Variants in CIT observed in about 807,000 individuals in gnomAD.
CIT encodes citron Rho-interacting kinase.
Under a neutral mutation model 272.7 loss-of-function variants are expected in CIT, and 79 were observed. The ratio of observed to expected loss-of-function variants is 0.29; its 90% CI spans 0.24 to 0.35. The LOEUF (loss-of-function observed/expected upper bound fraction) is 0.35, where lower values mean the gene tolerates loss of function less well. Ranked by LOEUF, CIT falls within the 10% of genes least tolerant of loss-of-function variation. CIT has a pLI of 1.00. For missense variants in CIT, 1,909 were observed against 2,618.3 expected, an observed-to-expected ratio of 0.73 and a Z score of 5.91; for synonymous variants, 948 against 995.6, an observed-to-expected ratio of 0.95 and a Z score of 0.90.
At chr12:119,775,134 G>T (rs527379453) in intron 16 of CIT, among the ~76,000 whole-genome samples, 1 of 151,674 alleles carries the variant, frequency 6.6e-6, no homozygotes, top group African/African-American at 2.4e-5. Context: ...TTAGCCAGGC[G>T]TGGTGGCACA....
chr12:119,776,848 G>C lies in CIT; in HGVS notation c.1666-6C>G, dbSNP rs367740321. The C allele has an allele frequency of 5.8e-5, 94 of 1,613,228 alleles. No homozygotes were observed. The highest frequency in any genetic ancestry group is 7.2e-5 in the Non-Finnish European group (85 of 1,179,926). On this transcript the variant is annotated splice_polypyrimidine_tract_variant and splice_region_variant and intron_variant, in intron 13 of 47. Transcript: ENST00000392521. ...TCCACTTGAGCCTGGTACTCCTAAA[G>C]AGCAGGCAATGAAATAAAAGAGAAC...
intron 40 of CIT, among the ~76,000 whole-genome samples, chr12:119,707,561 G>A (rs1411279177): frequency 6.6e-6 from 1 of 152,146 alleles, no homozygotes; most frequent in Admixed American, 6.5e-5. Context: ...GAGTGCGGTG[G>A]CGCAATCTCG....
At position 119,845,530 on chromosome 12, in the gene CIT, G is replaced by A. The variant is rs141561909; in HGVS notation, c.516+4644C>T. Reference sequence around the variant, plus strand: ...TTGCCGGACATGGTGGTGGGCACCTGTAATCCCAGCTACTCAGGAGGCTGA... The same window carrying A: ...TTGCCGGACATGGTGGTGGGCACCTATAATCCCAGCTACTCAGGAGGCTGA... On this transcript the variant is annotated intron_variant, in intron 5 of 47. Transcript: ENST00000392521. Among the ~76,000 whole-genome samples the A allele has an allele frequency of 3.7e-3, 565 of 151,552 alleles. 2 individuals carry two copies. The highest frequency in any genetic ancestry group is 0.013 in the African/African-American group (527 of 41,338).
At chr12:119,862,783 C>T (rs1336135016) in intron 3 of CIT, among the ~76,000 whole-genome samples, 3 of 112,098 alleles carry the variant, frequency 2.7e-5, no homozygotes, top group Non-Finnish European at 5.0e-5. Flanking sequence ...GCACTCCAGC[C>T]TGGGTGACAG....
intron 5 of CIT, among the ~76,000 whole-genome samples, chr12:119,838,648 T>C (rs1046777001): frequency 6.6e-6 from 1 of 152,184 alleles, no homozygotes; most frequent in Non-Finnish European, 1.5e-5. Context: ...ATAGCAGCAA[T>C]GCCCTTGATG....
chr12:119,792,213 C>T (rs778691856), intron 10 of CIT, among the ~76,000 whole-genome samples: 8 of 152,122 alleles, frequency 5.3e-5, no homozygotes, highest in Non-Finnish European at 8.8e-5. Context: ...CTGCAAAATA[C>T]GACACCAAAC....
Position 119,730,480 on chromosome 12 carries a change from G to A in CIT, c.3486+15C>T. 1 of 1,565,306 alleles carries A rather than the reference G, an allele frequency of 6.4e-7. No individual in the cohort carries two copies. The highest frequency in any genetic ancestry group is 8.7e-7 in the Non-Finnish European group (1 of 1,152,226). ...GAAAATGTTTTCCTAAAAAGCAGAA[G>A]GGGTGGGCGCTGACCTTGTCAGAGA... On this transcript the variant is annotated intron_variant, in intron 27 of 47. Transcript: ENST00000392521.
In CIT at chr12:119,770,582, C is replaced by T. The variant is rs1176351334; in HGVS notation, c.2208+203G>A. Among the ~76,000 whole-genome samples the T allele has an allele frequency of 6.6e-6, 1 of 150,728 alleles. No individual in the cohort carries two copies. The highest frequency in any genetic ancestry group is 2.4e-5 in the African/African-American group (1 of 41,022). On this transcript the variant is annotated intron_variant, in intron 18 of 47. Transcript: ENST00000392521. The surrounding 1 kb of genome is among the most constrained non-coding windows in gnomAD (Gnocchi z 4.4). ...CAAACAGAGCAAAAAACGATATTTA[C>T]GGATCTGTTACCAGTGCTGAAATGT...
At chr12:119,772,696 T>C (rs963209328) in intron 17 of CIT, 74 bp downstream of exon 17, 3 of 1,451,888 alleles carry the variant, frequency 2.1e-6, no homozygotes, top group Admixed American at 2.4e-5. Flanking sequence ...CAAGTGATGG[T>C]CTGGCAGTTT....
chr12:119,866,657 C>A (rs953494197), intron 3 of CIT, among the ~76,000 whole-genome samples: 2 of 151,956 alleles, frequency 1.3e-5, no homozygotes, highest in African/African-American at 4.8e-5. Flanking sequence ...CATCTCTACA[C>A]AAAATTAAAA....
chr12:119,863,917 C>A (rs576345241), intron 3 of CIT, among the ~76,000 whole-genome samples: 2 of 151,872 alleles, frequency 1.3e-5, no homozygotes, highest in African/African-American at 4.8e-5. Context: ...AGCAAGAAGG[C>A]GCCATTTTTG....
intron 24 of CIT, among the ~76,000 whole-genome samples, chr12:119,741,781 C>T (rs1479462475): frequency 6.6e-6 from 1 of 152,142 alleles, no homozygotes; most frequent in African/African-American, 2.4e-5. Flanking sequence ...CAGTTCTTCA[C>T]TCTCATCAAA....
At chr12:119,851,198 C>T (rs1463463397) in intron 4 of CIT, among the ~76,000 whole-genome samples, 1 of 152,174 alleles carries the variant, frequency 6.6e-6, no homozygotes, top group Non-Finnish European at 1.5e-5. Flanking sequence ...AGATTAAAGG[C>T]ATAAGCCACT....
intron 16 of CIT, among the ~76,000 whole-genome samples, chr12:119,774,145 A>G (rs946885460): frequency 1.3e-5 from 2 of 152,248 alleles, no homozygotes; most frequent in African/African-American, 4.8e-5. Context: ...GGATGAGAGG[A>G]ATTCGTATTT....
At chr12:119,792,493 T>C (rs775155990) in intron 10 of CIT, among the ~76,000 whole-genome samples, 2 of 152,124 alleles carry the variant, frequency 1.3e-5, no homozygotes, top group Non-Finnish European at 2.9e-5. Flanking sequence ...TATTTAGAGA[T>C]GGAGTCTTGT....
rs56003249 is a variant in CIT, at chr12:119,770,875, T to C, written c.2118A>G (p.Arg706=). ...RRHSLENKVK[R]LETMERRENR... ...TTTCTCTACGCTCCATGGTCTCTAG[T>C]CTCTTTACCTTGTTCTCCAGAGAAT... The change falls in exon 18 of 48, where the codon AGA becomes AGG. Residue 706 remains arginine (R), a synonymous_variant. Coordinates refer to ENST00000392521, the MANE Select transcript of CIT (RefSeq NM_001206999.2). The surrounding 1 kb of genome is among the most constrained non-coding windows in gnomAD (Gnocchi z 4.4). The C allele has an allele frequency of 8.4e-4, 1,359 of 1,612,870 alleles. 1 individual carries two copies. The highest frequency in any genetic ancestry group is 2.4e-3 in the Admixed American group (143 of 60,016).
intron 24 of CIT, among the ~76,000 whole-genome samples, chr12:119,737,897 C>T (rs1330895431): frequency 6.6e-6 from 1 of 152,120 alleles, no homozygotes; most frequent in African/African-American, 2.4e-5. Context: ...TGATATTAAA[C>T]GTTGGACACA....
chr12:119,771,395 G>C (rs1446100865), intron 17 of CIT, among the ~76,000 whole-genome samples: 1 of 152,132 alleles, frequency 6.6e-6, no homozygotes, highest in Non-Finnish European at 1.5e-5. Context: ...GGAAGGACAG[G>C]AGAGGAGGGG....
chr12:119,747,576 G>A (rs1344190569), intron 23 of CIT, among the ~76,000 whole-genome samples: 1 of 151,282 alleles, frequency 6.6e-6, no homozygotes, highest in Non-Finnish European at 1.5e-5. Flanking sequence ...AAAATTAACT[G>A]GGCGTGGTGG....
Sources: gnomAD v4.1 joint callset for allele counts (sites outside exome capture counted in the v4.1 genomes callset) on GRCh38, gnomAD v4.1.1 for gene constraint, Gnocchi (gnomAD v3.1) non-coding constraint, MANE v1.5 for transcripts, NCBI Gene and HGNC (gene_info 2026-07-23, HGNC 2026-07-21) for gene names.